Variants in WARS1 observed in about 807,000 individuals in gnomAD.
The protein encoded by WARS1 is tryptophanyl-tRNA synthetase 1.
In WARS1, 17 loss-of-function variants were observed where a neutral mutation model predicts 47.8. That is an observed-to-expected ratio of 0.36 (90% confidence interval 0.24 to 0.53). The LOEUF is 0.53. Ranked by LOEUF, WARS1 falls within the 20% of genes least tolerant of loss-of-function variation. The pLI is 0.91. For synonymous variants in WARS1, 208 were observed against 228.1 expected (o/e 0.91, Z 0.79); for missense variants, 434 against 608.0 (o/e 0.71, Z 3.01).
In WARS1 at chr14:100,371,686, G is replaced by T. The variant is rs752643548; in HGVS notation, c.-73-2428C>A. 1.5e-3 allele frequency among the ~76,000 whole-genome samples: 229 copies of T among 152,282 alleles called. 5 individuals carry two copies. Among genetic ancestry groups the T allele is most frequent in the Non-Finnish European group, 4.9e-4 (33 of 68,014 alleles). On this transcript the variant is annotated intron_variant, in intron 1 of 10. Coordinates refer to ENST00000392882, the MANE Select transcript of WARS1 (RefSeq NM_004184.4). ...GGAGGCAGAGGTTGCAGTGAGCTGA[G>T]ACCATGCCACTGCACTCCAACCTGG...
At chr14:100,371,548 C>T (rs1035350649) in intron 1 of WARS1, among the ~76,000 whole-genome samples, 14 of 150,972 alleles carry the variant, frequency 9.3e-5, no homozygotes, top group African/African-American at 3.2e-4. Flanking sequence ...CAGCCTGGCC[C>T]ACATGGTGAA....
At position 100,369,202 on chromosome 14, in the gene WARS1, G is replaced by T; in HGVS notation, c.-17C>A. On this transcript the variant is annotated 5_prime_UTR_variant, in exon 2 of 11. Transcript: ENST00000392882. ...GTTGGGCATGTTTGCTATCTCTCAG[G>T]AACTACGTTCACAGCCGGCCTGAGG... 8.2e-7 allele frequency: 1 copy of T among 1,221,746 alleles called. No homozygotes were observed. The highest frequency in any genetic ancestry group is 1.6e-5 in the South Asian group (1 of 61,888). The allele number at this position is 1,221,746 out of a possible 1,614,324, so 75.7% of individuals were successfully genotyped here.
At chr14:100,361,098 C>T (rs1007579981) in intron 3 of WARS1, among the ~76,000 whole-genome samples, 5 of 152,202 alleles carry the variant, frequency 3.3e-5, no homozygotes, top group African/African-American at 1.2e-4. Flanking sequence ...TGTCGGTCTT[C>T]AAGTGAATTT....
At chr14:100,367,977 G>A (rs376551425) in intron 2 of WARS1, among the ~76,000 whole-genome samples, 4,290 of 152,172 alleles carry the variant, frequency 0.028, 203 homozygotes, top group African/African-American at 0.099. Flanking sequence ...AAAGATGCAG[G>A]AGCAGGAAAC....
At chr14:100,369,018 A>T in intron 2 of WARS1, 69 bp downstream of exon 2, 1 of 1,180,124 alleles carries the variant, frequency 8.5e-7, no homozygotes, top group Non-Finnish European at 1.2e-6. Flanking sequence ...CATCTATTCT[A>T]GAGGAACACA....
At chr14:100,367,842 T>A (rs972329412) in intron 2 of WARS1, among the ~76,000 whole-genome samples, 1 of 152,132 alleles carries the variant, frequency 6.6e-6, no homozygotes, top group Admixed American at 6.6e-5. Context: ...CTATCAATCA[T>A]GTTTTAGGTA....
In WARS1 at chr14:100,343,013, A is replaced by G. The variant is rs1894280359; in HGVS notation, c.939+262T>C. ...GGTTCAAGCGAGGCGAGTAGCTGGGATTACAGGCGCCTGCCACCACATGTG... is the reference window on the plus strand; with the variant it reads ...GGTTCAAGCGAGGCGAGTAGCTGGGGTTACAGGCGCCTGCCACCACATGTG... On this transcript the variant is annotated intron_variant, in intron 8 of 10. Transcript: ENST00000392882. Among the ~76,000 whole-genome samples, 4 of 152,092 alleles carry G rather than the reference A, an allele frequency of 2.6e-5. No homozygotes were observed. The South Asian group carries it at 8.3e-4, about 32-fold the overall frequency.
chr14:100,372,246 T>G (rs1291338481), intron 1 of WARS1, among the ~76,000 whole-genome samples: 1 of 152,126 alleles, frequency 6.6e-6, no homozygotes, highest in Non-Finnish European at 1.5e-5. Flanking sequence ...TTTGGTGGTC[T>G]CTTCACACGG....
intron 9 of WARS1, chr14:100,340,141 G>A (rs1894064040): frequency 6.6e-6 from 1 of 152,238 alleles, no homozygotes; most frequent in Admixed American, 6.6e-5. Flanking sequence ...GCTGGCTCCT[G>A]GGACACCAGG....
In WARS1 at chr14:100,344,884, G is replaced by A. The variant is rs549820227; in HGVS notation, c.827-1497C>T. Among the ~76,000 whole-genome samples, 232 of 150,830 alleles carry A rather than the reference G, an allele frequency of 1.5e-3. 1 individual carries two copies. Among genetic ancestry groups the A allele is most frequent in the African/African-American group, 5.5e-3 (227 of 40,976 alleles). On this transcript the variant is annotated intron_variant, in intron 7 of 10. Coordinates refer to ENST00000392882, the MANE Select transcript of WARS1 (RefSeq NM_004184.4). ...TGAGAAGTGAGGAGCCCCTCCACCCGGCAGCCACCCCGTCTGGGAAGTGAG... is the reference window on the plus strand; with the variant it reads ...TGAGAAGTGAGGAGCCCCTCCACCCAGCAGCCACCCCGTCTGGGAAGTGAG...
intron 2 of WARS1, among the ~76,000 whole-genome samples, chr14:100,362,578 A>T (rs1895725368): frequency 6.6e-6 from 1 of 151,900 alleles, no homozygotes; most frequent in Non-Finnish European, 1.5e-5. Flanking sequence ...GTAGTCTGGA[A>T]ATGTATTAAA....
intron 4 of WARS1, among the ~76,000 whole-genome samples, chr14:100,355,475 C>A (rs1895252875): frequency 6.6e-6 from 1 of 152,098 alleles, no homozygotes; most frequent in South Asian, 2.1e-4. Flanking sequence ...CCTGCCTCGG[C>A]CTCCCAAAGT....
intron 4 of WARS1, among the ~76,000 whole-genome samples, chr14:100,359,801 G>A (rs1377802215): frequency 1.3e-5 from 2 of 152,190 alleles, no homozygotes; most frequent in African/African-American, 2.4e-5. Flanking sequence ...GTGAATTAAG[G>A]AAAATTTTTT....
rs1196714792 is a variant in WARS1 at position 100,334,997 on chromosome 14, T to C, written c.1294A>G (p.Lys432Glu). The C allele has an allele frequency of 6.2e-7, 1 of 1,614,024 alleles. No homozygotes were observed. Among genetic ancestry groups the C allele is most frequent in the Non-Finnish European group, 8.5e-7 (1 of 1,179,972 alleles). The change falls in exon 11 of 11, where the codon AAG becomes GAG. Residue 432 changes from lysine (K) to glutamate (E), a missense_variant. This residue lies in a region of WARS1 where 347 missense variants were observed against 523.8 expected (regional missense o/e 0.66). Transcript: ENST00000392882. ...GGCTGCAGAACCTCTATGAGTGCCTTCTTGAGCTCACCGGTGAGCATGGCT... is the reference window on the plus strand; with the variant it reads ...GGCTGCAGAACCTCTATGAGTGCCTCCTTGAGCTCACCGGTGAGCATGGCT... ...SGAMLTGELKKALIEVLQPLI... is the reference protein window; with the variant it reads ...SGAMLTGELKEALIEVLQPLI...
chr14:100,351,993 A>T lies in WARS1; in HGVS notation c.725+1694T>A, dbSNP rs1403678940. Among the ~76,000 whole-genome samples, 289 of 75,400 alleles carry T rather than the reference A, an allele frequency of 3.8e-3. 1 individual carries two copies. Among genetic ancestry groups the T allele is most frequent in the African/African-American group, 8.8e-3 (263 of 30,002 alleles). 49.5% of individuals were successfully genotyped at this position (75,400 alleles called of 152,430 possible). On this transcript the variant is annotated intron_variant, in intron 6 of 10. Coordinates refer to ENST00000392882, the MANE Select transcript of WARS1 (RefSeq NM_004184.4). ...GGGTGACAGAGCGAGACTCCGTCTC[A>T]AAAAAAAAAAGAAAAAGAAAAAGCT...
chr14:100,363,995 C>G (rs911704290), intron 2 of WARS1, among the ~76,000 whole-genome samples: 1 of 152,070 alleles, frequency 6.6e-6, no homozygotes, highest in East Asian at 1.9e-4. Flanking sequence ...CCAGGTAGAG[C>G]TACCCCTGGT....
chr14:100,375,151 G>A (rs530390383), intron 1 of WARS1, 132 bp downstream of exon 1: 1 of 152,136 alleles, frequency 6.6e-6, no homozygotes, highest in African/African-American at 2.4e-5. Context: ...CTGAACTTTG[G>A]GTCAATGGAA....
intron 5 of WARS1, chr14:100,354,144 C>T: frequency 7.9e-6 from 4 of 508,666 alleles, no homozygotes; most frequent in Non-Finnish European, 1.4e-5. Context: ...TCTTCATTCT[C>T]ATCTTGCAGA....
At chr14:100,343,745 C>T (rs144999751) in intron 7 of WARS1, among the ~76,000 whole-genome samples, 1 of 151,998 alleles carries the variant, frequency 6.6e-6, no homozygotes, top group Non-Finnish European at 1.5e-5. Flanking sequence ...TCAAGTGATT[C>T]TCCTGCCTCA....
Sources: gnomAD v4.1 joint callset for allele counts (sites outside exome capture counted in the v4.1 genomes callset) on GRCh38, gnomAD v4.1.1 for gene constraint, gnomAD v4.1.1 regional missense constraint, MANE v1.5 for transcripts, NCBI Gene and HGNC (gene_info 2026-07-23, HGNC 2026-07-21) for gene names.